PIP4P1: variants seen among roughly 807,000 people sequenced by gnomAD.
The protein encoded by PIP4P1 is phosphatidylinositol-4,5-bisphosphate 4-phosphatase 1, also known as type 1 phosphatidylinositol 4,5-bisphosphate 4-phosphatase.
In PIP4P1, 14 loss-of-function variants were observed where a neutral mutation model predicts 32.3. The observed-to-expected ratio is 0.43, with a 90% CI of 0.29 to 0.68. The LOEUF (loss-of-function observed/expected upper bound fraction) is 0.68. PIP4P1 is among the 30% of genes least tolerant of loss of function. The pLI is 0.15. For synonymous variants in PIP4P1, 132 were observed against 137.9 expected (o/e 0.96, Z 0.30); for missense variants, 289 against 364.5 (o/e 0.79, Z 1.69).
At position 20,461,249 on chromosome 14, in the gene PIP4P1, C is replaced by G; in HGVS notation, c.77G>C (p.Gly26Ala). 7.9e-7 allele frequency: 1 copy of G among 1,272,228 alleles called. No individual in the cohort carries two copies. The highest frequency in any genetic ancestry group is 1.0e-6 in the Non-Finnish European group (1 of 1,004,410). The allele number at this position is 1,272,228 out of a possible 1,614,324, so 78.8% of individuals were successfully genotyped here. Reference sequence around the variant, plus strand: ...GGGCCCAGCCCCACTCCCGCCGGGCCCCACTAAACCGTTGCCGCCCGCGCC... The same window carrying G: ...GGGCCCAGCCCCACTCCCGCCGGGCGCCACTAAACCGTTGCCGCCCGCGCC... ...DGGAGGNGLV[G>A]PGGSGAGPGG... The change falls in exon 1 of 7, where the codon GGG becomes GCG. Residue 26 changes from glycine (G) to alanine (A), a missense_variant. Gly to Ala is a moderately conservative substitution (Grantham distance 60, BLOSUM62 0). Around this residue, in one of 2 missense-constraint regions of PIP4P1, gnomAD observed 108 missense variants for 101.2 expected, o/e 1.07. Transcript: ENST00000250489.
At chr14:20,459,561 C>CTA (rs750782199) in intron 4 of PIP4P1, 67 bp downstream of exon 4, 33 of 1,575,264 alleles carry the variant, frequency 2.1e-5, no homozygotes, top group Non-Finnish European at 2.8e-5. Context: ...TACCATTACT[C>CTA]TAAGAAATAT....
chr14:20,458,470 C>A lies in PIP4P1; in HGVS notation c.*89G>T. The A allele has an allele frequency of 6.3e-7, 1 of 1,583,824 alleles. No individual in the cohort carries two copies. The highest frequency in any genetic ancestry group is 1.7e-5 in the Admixed American group (1 of 57,768). On this transcript the variant is annotated 3_prime_UTR_variant, in exon 7 of 7. Transcript: ENST00000250489. ...CAGCTGCTTGGCTTCCTTCTAGAAG[C>A]CCCGGGAGCCTTTAACTACCCCAGC...
Position 20,458,227 on chromosome 14 carries a change from G to C in PIP4P1, c.*332C>G, listed in dbSNP as rs764659549. ...GGCTACCCACCCCCACCCTGCCCTGGAATGTGTAAGGGACAGGAATGGCTC... is the reference window on the plus strand; with the variant it reads ...GGCTACCCACCCCCACCCTGCCCTGCAATGTGTAAGGGACAGGAATGGCTC... On this transcript the variant is annotated 3_prime_UTR_variant, in exon 7 of 7. Coordinates refer to ENST00000250489, the MANE Select transcript of PIP4P1 (RefSeq NM_144568.4). 5 of 492,218 alleles carry C rather than the reference G, an allele frequency of 1.0e-5. No individual in the cohort carries two copies. Among genetic ancestry groups the C allele is most frequent in the African/African-American group, 3.9e-5 (2 of 51,520 alleles). The allele number at this position is 492,218 out of a possible 1,614,324, so 30.5% of individuals were successfully genotyped here.
intron 3 of PIP4P1, chr14:20,459,956 C>T: frequency 1.6e-6 from 1 of 612,438 alleles, no homozygotes. Context: ...CCTCCGACCT[C>T]AGGATAACAC....
Position 20,459,743 on chromosome 14 carries a change from AG to A in PIP4P1, c.441-11del, listed in dbSNP as rs1347034912. ...GTTGATGATTCTTTTGCTATACAAA[AG>A]AAAAAGACTTGTATTTTCAAACTTG... On this transcript the variant is annotated splice_polypyrimidine_tract_variant and intron_variant, in intron 3 of 6. Coordinates refer to ENST00000250489, the MANE Select transcript of PIP4P1 (RefSeq NM_144568.4). 4.4e-6 allele frequency: 7 copies of A among 1,608,912 alleles called. No homozygotes were observed. The highest frequency in any genetic ancestry group is 2.7e-5 in the African/African-American group (2 of 74,536).
chr14:20,460,462 T>C, intron 2 of PIP4P1, 164 bp from the exon 3 acceptor site: 1 of 756,756 alleles, frequency 1.3e-6, no homozygotes, highest in Non-Finnish European at 2.1e-6. Flanking sequence ...AGGCTAGGTG[T>C]AAAAGTGAGA....
In PIP4P1 at chr14:20,458,721, G is replaced by C; in HGVS notation, c.691-19C>G. ...TGCCAAACTGATGAAGATAAGGAGG[G>C]AGAAGAAAAGAAAGATGGGGTTAAT... On this transcript the variant is annotated intron_variant, in intron 6 of 6. Transcript: ENST00000250489. 1 of 1,603,406 alleles carries C rather than the reference G, an allele frequency of 6.2e-7. No homozygotes were observed. The highest frequency in any genetic ancestry group is 8.5e-7 in the Non-Finnish European group (1 of 1,175,646).
Position 20,459,660 on chromosome 14 carries a change from C to T in PIP4P1, c.514G>A (p.Val172Ile), listed in dbSNP as rs1455950855. ...SPEPQPMGVR[V>I]ICGHCKNTFL... ...GTATTCTTGCAATGTCCACAGATAA[C>T]CCTGACACCCATGGGTTGGGGTTCT... Residue 172 changes from valine (V) to isoleucine (I), a missense_variant, in exon 4 of 7, where the codon GTT becomes ATT. Val to Ile is a conservative substitution (Grantham distance 29). Around this residue, in one of 2 missense-constraint regions of PIP4P1, gnomAD observed 181 missense variants for 263.3 expected, o/e 0.69. Transcript: ENST00000250489. The T allele has an allele frequency of 6.2e-7, 1 of 1,614,090 alleles. No individual in the cohort carries two copies. The highest frequency in any genetic ancestry group is 8.5e-7 in the Non-Finnish European group (1 of 1,179,994).
intron 1 of PIP4P1, 41 bp downstream of exon 1, chr14:20,461,143 T>C: frequency 7.9e-7 from 1 of 1,261,192 alleles, no homozygotes; most frequent in Non-Finnish European, 1.0e-6. Context: ...GGGGAGCACC[T>C]CGGACCCGCC....
Position 20,458,313 on chromosome 14 carries a change from A to T in PIP4P1, c.*246T>A, listed in dbSNP as rs1308093243. On this transcript the variant is annotated 3_prime_UTR_variant, in exon 7 of 7. Transcript: ENST00000250489. ...TCTTCAGGGCCCAGTTTTAAGGGCA[A>T]CGTTTTGCCTACTTCACCCTAGACA... 1.5e-6 allele frequency: 1 copy of T among 673,058 alleles called. No homozygotes were observed. Among genetic ancestry groups the T allele is most frequent in the South Asian group, 1.5e-5 (1 of 66,572 alleles). The allele number at this position is 673,058 out of a possible 1,614,324, so 41.7% of individuals were successfully genotyped here.
intron 1 of PIP4P1, 82 bp downstream of exon 1, chr14:20,461,102 C>A: frequency 7.9e-7 from 1 of 1,272,476 alleles, no homozygotes; most frequent in South Asian, 3.0e-5. Flanking sequence ...CGCCCTCGGT[C>A]CCGCCCCCTC....
At chr14:20,458,756 C>T in intron 6 of PIP4P1, 54 bp from the exon 7 acceptor site, 2 of 1,571,450 alleles carry the variant, frequency 1.3e-6, no homozygotes, top group Non-Finnish European at 1.7e-6. Flanking sequence ...TGTTGGTCTC[C>T]ACTACCTCCT....
At position 20,460,639 on chromosome 14, in the gene PIP4P1, G is replaced by A. The variant is rs541268473; in HGVS notation, c.333+16C>T. Reference sequence around the variant, plus strand: ...TCCAGGAAACAGGGCCCATTTCATAGATATGTGTAACTCACGGTGGCTTCA... The same window carrying A: ...TCCAGGAAACAGGGCCCATTTCATAAATATGTGTAACTCACGGTGGCTTCA... On this transcript the variant is annotated intron_variant, in intron 2 of 6. Coordinates refer to ENST00000250489, the MANE Select transcript of PIP4P1 (RefSeq NM_144568.4). The A allele has an allele frequency of 3.7e-6, 6 of 1,611,774 alleles. No individual in the cohort carries two copies. Among genetic ancestry groups the A allele is most frequent in the Non-Finnish European group, 3.4e-6 (4 of 1,179,452 alleles).
chr14:20,461,241 C>G lies in PIP4P1; in HGVS notation c.85G>C (p.Gly29Arg). The G allele has an allele frequency of 7.9e-7, 1 of 1,265,234 alleles. No homozygotes were observed. The highest frequency in any genetic ancestry group is 2.2e-4 in the Middle Eastern group (1 of 4,494). The allele number at this position is 1,265,234 out of a possible 1,614,324, so 78.4% of individuals were successfully genotyped here. A position where few individuals can be genotyped will look rare whatever the true frequency, so the allele number is the denominator to read the frequency against. Reference protein sequence around the residue: ...AGGNGLVGPGGSGAGPGGGLT... With the variant: ...AGGNGLVGPGRSGAGPGGGLT... ...CCTCCCCCGGGCCCAGCCCCACTCC[C>G]GCCGGGCCCCACTAAACCGTTGCCG... Residue 29 changes from glycine to arginine, a missense_variant, in exon 1 of 7, where the codon GGG becomes CGG. Physicochemically the swap from Gly to Arg is moderately radical, Grantham distance 125. Transcript: ENST00000250489.
Position 20,460,903 on chromosome 14 carries a change from G to A in PIP4P1, c.143-58C>T, listed in dbSNP as rs574583624. On this transcript the variant is annotated intron_variant, in intron 1 of 6. Coordinates refer to ENST00000250489, the MANE Select transcript of PIP4P1 (RefSeq NM_144568.4). ...ACTTACACCCCCACTGATGCTCCAC[G>A]GTGGTAGGGAAGTCCTTCTGATCTT... is the stretch of plus-strand genomic sequence containing the variant. 1.8e-5 allele frequency: 26 copies of A among 1,474,374 alleles called. No individual in the cohort carries two copies. In the Admixed American group the frequency reaches 2.7e-4, roughly 15 times the overall value. The allele number at this position is 1,474,374 out of a possible 1,614,324, so 91.3% of individuals were successfully genotyped here. A position where few individuals can be genotyped will look rare whatever the true frequency, so the allele number is the denominator to read the frequency against.
In PIP4P1 at chr14:20,461,248, C is replaced by T; in HGVS notation, c.78G>A (p.Gly26=). The T allele has an allele frequency of 7.9e-7, 1 of 1,270,966 alleles. No individual in the cohort carries two copies. The highest frequency in any genetic ancestry group is 1.0e-6 in the Non-Finnish European group (1 of 1,003,748). 78.7% of individuals were successfully genotyped at this position (1,270,966 alleles called of 1,614,324 possible). The change falls in exon 1 of 7, where the codon GGG becomes GGA. Residue 26 remains glycine (G), a synonymous_variant. Coordinates refer to ENST00000250489, the MANE Select transcript of PIP4P1 (RefSeq NM_144568.4). ...CGGGCCCAGCCCCACTCCCGCCGGG[C>T]CCCACTAAACCGTTGCCGCCCGCGC... ...DGGAGGNGLV[G]PGGSGAGPGG...
Position 20,460,313 on chromosome 14 carries a change from G to A in PIP4P1, c.334-15C>T, listed in dbSNP as rs149188694. 9.2e-5 allele frequency: 147 copies of A among 1,589,442 alleles called. No individual in the cohort carries two copies. The African/African-American group carries it at 1.8e-3, about 19-fold the overall frequency. On this transcript the variant is annotated splice_polypyrimidine_tract_variant and intron_variant, in intron 2 of 6. Transcript: ENST00000250489. Reference sequence around the variant, plus strand: ...TTCTTGATTGGCTAGAGAATAATAGGGTCATCAGCAAGCAAACCTCTAATC... The same window carrying A: ...TTCTTGATTGGCTAGAGAATAATAGAGTCATCAGCAAGCAAACCTCTAATC...
At chr14:20,461,128 A>G in intron 1 of PIP4P1, 56 bp downstream of exon 1, 1 of 1,265,014 alleles carries the variant, frequency 7.9e-7, no homozygotes, top group Non-Finnish European at 1.0e-6. Context: ...CTTTCAGAGT[A>G]CCCCGGGGAG....
chr14:20,459,477 G>A, intron 4 of PIP4P1, 37 bp from the exon 5 acceptor site: 2 of 1,613,540 alleles, frequency 1.2e-6, no homozygotes, highest in Non-Finnish European at 1.7e-6. Flanking sequence ...AGCACAAGCA[G>A]GGTCTCCCTC....
Sources: gnomAD v4.1 joint callset for allele counts on GRCh38, gnomAD v4.1.1 for gene constraint, gnomAD v4.1.1 regional missense constraint, MANE v1.5 for transcripts, NCBI Gene and HGNC (gene_info 2026-07-23, HGNC 2026-07-21) for gene names.